TIAM1: variants seen among roughly 807,000 people sequenced by gnomAD.
TIAM1 encodes rho guanine nucleotide exchange factor TIAM1.
Under a neutral mutation model 163.5 loss-of-function variants are expected in TIAM1, and 65 were observed. That is an observed-to-expected ratio of 0.40 (90% CI 0.33 to 0.49). The LOEUF (loss-of-function observed/expected upper bound fraction) is 0.49, where lower values mean the gene tolerates loss of function less well. TIAM1 is among the 20% of genes least tolerant of loss of function. TIAM1 has a pLI of 0.77. For synonymous variants in TIAM1, 833 were observed against 810.1 expected (o/e 1.03, Z -0.48); for missense variants, 1,789 against 2,044.7 (o/e 0.87, Z 2.41).
At chr21:31,136,254 C>T (rs2082617110) in intron 22 of TIAM1, among the ~76,000 whole-genome samples, 1 of 152,098 alleles carries the variant, frequency 6.6e-6, no homozygotes, top group East Asian at 1.9e-4. Flanking sequence ...TGTTGTACAC[C>T]ATAAATATAT....
intron 2 of TIAM1, among the ~76,000 whole-genome samples, chr21:31,292,518 C>T (rs531326757): frequency 2.0e-5 from 3 of 151,472 alleles, no homozygotes; most frequent in South Asian, 2.1e-4. Context: ...TACAAGCATG[C>T]GCCACCAGGC....
intron 2 of TIAM1, among the ~76,000 whole-genome samples, chr21:31,373,803 C>T (rs2076639595): frequency 6.6e-6 from 1 of 152,122 alleles, no homozygotes; most frequent in Non-Finnish European, 1.5e-5. Context: ...TCAAATCTAG[C>T]CATGCGTCTA....
chr21:31,369,123 G>A (rs2076549494), intron 2 of TIAM1, among the ~76,000 whole-genome samples: 1 of 151,392 alleles, frequency 6.6e-6, no homozygotes. Flanking sequence ...CTTCTTGGGA[G>A]GCTGAGGCAG....
At chr21:31,215,244 C>T (rs2146585268) in intron 9 of TIAM1, among the ~76,000 whole-genome samples, 1 of 152,144 alleles carries the variant, frequency 6.6e-6, no homozygotes, top group South Asian at 2.1e-4. Flanking sequence ...TGGGCTGAGC[C>T]ATCTCTCAGG....
intron 2 of TIAM1, among the ~76,000 whole-genome samples, chr21:31,356,274 C>T (rs2076315622): frequency 6.6e-6 from 1 of 152,196 alleles, no homozygotes; most frequent in Non-Finnish European, 1.5e-5. Flanking sequence ...ATGTTCAAGA[C>T]ACTGCATGCC....
At chr21:31,529,144 C>T (rs934676971) in intron 1 of TIAM1, among the ~76,000 whole-genome samples, 2 of 151,844 alleles carry the variant, frequency 1.3e-5, no homozygotes, top group Non-Finnish European at 2.9e-5. Context: ...TGGTCTCGAT[C>T]TCCTGACCTC....
At chr21:31,459,267 A>G (rs2045234153) in intron 2 of TIAM1, among the ~76,000 whole-genome samples, 1 of 152,122 alleles carries the variant, frequency 6.6e-6, no homozygotes, top group Admixed American at 6.6e-5. Context: ...ACGTGCCACC[A>G]TGCCCAGTTA....
At chr21:31,458,418 C>A (rs2045194425) in intron 2 of TIAM1, among the ~76,000 whole-genome samples, 1 of 150,736 alleles carries the variant, frequency 6.6e-6, no homozygotes, top group Admixed American at 6.6e-5. Flanking sequence ...GAAACTCCAT[C>A]TCAAAAAAAA....
In TIAM1 at chr21:31,139,975, A is replaced by C. The variant is rs368030982; in HGVS notation, c.3774+1143T>G. 2.0e-5 allele frequency among the ~76,000 whole-genome samples: 3 copies of C among 152,144 alleles called. No individual in the cohort carries two copies. In the South Asian group the frequency reaches 6.2e-4, roughly 32 times the overall value. On this transcript the variant is annotated intron_variant, in intron 22 of 27. Coordinates refer to ENST00000541036, the MANE Select transcript of TIAM1 (RefSeq NM_001353694.2). ...TTTGTCTCATTTACAATTCACCTCA[A>C]CATTTCTTCACTCCATATGTAAACT...
At chr21:31,422,014 T>C (rs2043594427) in intron 2 of TIAM1, among the ~76,000 whole-genome samples, 1 of 152,000 alleles carries the variant, frequency 6.6e-6, no homozygotes, top group Admixed American at 6.6e-5. Flanking sequence ...GGTGACAGAA[T>C]GACCCTGTCT....
chr21:31,267,315 C>T (rs1405728712), intron 3 of TIAM1, among the ~76,000 whole-genome samples: 1 of 152,186 alleles, frequency 6.6e-6, no homozygotes, highest in Non-Finnish European at 1.5e-5. Context: ...CAGCCAGAAA[C>T]TCTGCTGACC....
At chr21:31,287,113 A>C (rs2073838971) in intron 2 of TIAM1, among the ~76,000 whole-genome samples, 1 of 152,252 alleles carries the variant, frequency 6.6e-6, no homozygotes, top group Non-Finnish European at 1.5e-5. Flanking sequence ...TATATCTTAC[A>C]ATCACAATGG....
At chr21:31,410,308 CAGTG>C (rs1261215373) in intron 2 of TIAM1, among the ~76,000 whole-genome samples, 5 of 150,450 alleles carry the variant, frequency 3.3e-5, no homozygotes, top group Non-Finnish European at 7.4e-5. Flanking sequence ...TGTAATGAGA[CAGTG>C]TGTGTGTGAG....
intron 2 of TIAM1, among the ~76,000 whole-genome samples, chr21:31,440,208 T>C (rs2044369153): frequency 6.6e-6 from 1 of 152,212 alleles, no homozygotes; most frequent in African/African-American, 2.4e-5. Flanking sequence ...TGTGTCATAT[T>C]TGCCAGCAGC....
intron 2 of TIAM1, among the ~76,000 whole-genome samples, chr21:31,398,365 A>C (rs1041344871): frequency 6.6e-6 from 1 of 152,194 alleles, no homozygotes; most frequent in Admixed American, 6.5e-5. Context: ...AGACCTGGTC[A>C]GTTTTCCCAC....
intron 2 of TIAM1, among the ~76,000 whole-genome samples, chr21:31,306,635 C>T (rs935586836): frequency 1.1e-4 from 17 of 152,120 alleles, no homozygotes; most frequent in Admixed American, 9.8e-4. Context: ...AGTGATGCAA[C>T]GATCCAATGT....
intron 2 of TIAM1, among the ~76,000 whole-genome samples, chr21:31,373,055 CAAAA>C (rs71193110): frequency 9.6e-6 from 1 of 104,710 alleles, no homozygotes. Context: ...AACTCTGTCT[CAAAA>C]AAAAAAAAAG....
rs185983123 is a variant in TIAM1, at chr21:31,119,485, C to A, written c.*883G>T. 7 of 152,430 alleles carry A rather than the reference C, an allele frequency of 4.6e-5. No homozygotes were observed. Among genetic ancestry groups the A allele is most frequent in the Non-Finnish European group, 1.0e-4 (7 of 68,006 alleles). The allele number at this position is 152,430 out of a possible 1,614,324, so 9.4% of individuals were successfully genotyped here. A position where few individuals can be genotyped will look rare whatever the true frequency, so the allele number is the denominator to read the frequency against. On this transcript the variant is annotated 3_prime_UTR_variant, in exon 28 of 28. Transcript: ENST00000541036. Reference sequence around the variant, plus strand: ...ATTCAAACATTAAAAAAAAAAAATCCGCTTTTTGGAAGAAAAGTATATCCT... The same window carrying A: ...ATTCAAACATTAAAAAAAAAAAATCAGCTTTTTGGAAGAAAAGTATATCCT...
chr21:31,256,953 G>C lies in TIAM1; in HGVS notation c.964-4764C>G, dbSNP rs79495738. Among the ~76,000 whole-genome samples the C allele has an allele frequency of 3.3e-5, 5 of 152,258 alleles. No homozygotes were observed. In the East Asian group the frequency reaches 9.7e-4, roughly 29 times the overall value. ...GGCCCAAGGAGAGAAGGCATTGCCT[G>C]AACTCAGTTGCTAACTTCCTGCACC... On this transcript the variant is annotated intron_variant, in intron 4 of 27. Transcript: ENST00000541036.
Sources: gnomAD v4.1 joint callset for allele counts (sites outside exome capture counted in the v4.1 genomes callset) on GRCh38, gnomAD v4.1.1 for gene constraint, MANE v1.5 for transcripts, NCBI Gene and HGNC (gene_info 2026-07-23, HGNC 2026-07-21) for gene names.